TMEM236: variants seen among roughly 807,000 people sequenced by gnomAD.
TMEM236 encodes transmembrane protein 236.
Under a neutral mutation model 14.7 loss-of-function variants are expected in TMEM236, and 11 were observed. The observed-to-expected ratio is 0.75, with a 90% CI of 0.47 to 1.24. The LOEUF (loss-of-function observed/expected upper bound fraction) is 1.24. TMEM236 is among the 50% of genes most tolerant of loss of function. TMEM236 has a pLI of 0.00. For synonymous variants in TMEM236, 182 were observed against 168.6 expected, an observed-to-expected ratio of 1.08 and a Z score of -0.62; for missense variants, 464 against 427.3, an observed-to-expected ratio of 1.09 and a Z score of -0.76.
chr10:17,786,287 G>A (rs1461830337), intron 3 of TMEM236, among the ~76,000 whole-genome samples: 3 of 152,180 alleles, frequency 2.0e-5, no homozygotes, highest in African/African-American at 7.2e-5. Flanking sequence ...ATAGGTCACT[G>A]ATTTTCAATA....
Position 17,796,562 on chromosome 10 carries a change from C to T in TMEM236, c.*58C>T. ...GATACCTGTGTGCACATTTGTAATC[C>T]TTCTTTTTTTCTTGGGGCGTAGGTG... On this transcript the variant is annotated 3_prime_UTR_variant, in exon 4 of 4. Coordinates refer to ENST00000377495, the MANE Select transcript of TMEM236 (RefSeq NM_001098844.3). The T allele has an allele frequency of 6.9e-7, 1 of 1,455,908 alleles. No homozygotes were observed. Among genetic ancestry groups the T allele is most frequent in the Non-Finnish European group, 9.6e-7 (1 of 1,038,990 alleles). The allele number at this position is 1,455,908 out of a possible 1,614,324, so 90.2% of individuals were successfully genotyped here. A position where few individuals can be genotyped will look rare whatever the true frequency, so the allele number is the denominator to read the frequency against.
At chr10:17,758,491 T>C (rs963846159) in intron 1 of TMEM236, among the ~76,000 whole-genome samples, 2 of 152,222 alleles carry the variant, frequency 1.3e-5, no homozygotes, top group African/African-American at 4.8e-5. Context: ...GTGAGTTATT[T>C]GAATTCTTTG....
chr10:17,782,945 G>C lies in TMEM236; in HGVS notation c.472+6775G>C, dbSNP rs1837777561. Among the ~76,000 whole-genome samples, 6 of 152,284 alleles carry C rather than the reference G, an allele frequency of 3.9e-5. No homozygotes were observed. In the South Asian group the frequency reaches 1.2e-3, roughly 32 times the overall value. Reference sequence around the variant, plus strand: ...AAAGGGTTGAGAAGGACAAGGATATGGTTAGAATGCCTGAGGCGATGTGCT... The same window carrying C: ...AAAGGGTTGAGAAGGACAAGGATATCGTTAGAATGCCTGAGGCGATGTGCT... On this transcript the variant is annotated intron_variant, in intron 3 of 3. Transcript: ENST00000377495.
chr10:17,794,980 A>T (rs1345499318), intron 3 of TMEM236, among the ~76,000 whole-genome samples: 1 of 152,166 alleles, frequency 6.6e-6, no homozygotes, highest in Admixed American at 6.5e-5. Flanking sequence ...GTGAGCCGAG[A>T]TCATGCTGCT....
intron 3 of TMEM236, among the ~76,000 whole-genome samples, chr10:17,790,937 C>G (rs1413880017): frequency 1.3e-5 from 2 of 152,220 alleles, no homozygotes; most frequent in African/African-American, 2.4e-5. Flanking sequence ...ACATTCGCCT[C>G]TAAGTTGCTA....
In TMEM236 at chr10:17,752,321, T is replaced by G. The variant is rs1837220965; in HGVS notation, c.26T>G (p.Phe9Cys). 1.2e-6 allele frequency: 2 copies of G among 1,613,756 alleles called. No individual in the cohort carries two copies. Among genetic ancestry groups the G allele is most frequent in the Non-Finnish European group, 1.7e-6 (2 of 1,179,856 alleles). MASGRLIK[F>C]VVFELLEFAA... ...ATGGCTTCTGGAAGGCTCATTAAGT[T>G]CGTGGTTTTTGAGCTCCTAGAGTTT... is the stretch of plus-strand genomic sequence containing the variant. The change falls in exon 1 of 4, where the codon TTC (phenylalanine) becomes TGC (cysteine). Residue 9 changes from phenylalanine to cysteine, a missense_variant. Transcript: ENST00000377495.
rs1004152575 is a variant in TMEM236 at position 17,799,979 on chromosome 10, T to A, written c.*3475T>A. 32 of 152,576 alleles carry A rather than the reference T, an allele frequency of 2.1e-4. No homozygotes were observed. The highest frequency in any genetic ancestry group is 7.2e-4 in the African/African-American group (30 of 41,438). The allele number at this position is 152,576 out of a possible 1,614,324, so 9.5% of individuals were successfully genotyped here. A position where few individuals can be genotyped will look rare whatever the true frequency, so the allele number is the denominator to read the frequency against. Reference sequence around the variant, plus strand: ...CTGCAAGTCTATGGGATTTAATAGATATTACAGCAAATTACACTGCGAAAA... The same window carrying A: ...CTGCAAGTCTATGGGATTTAATAGAAATTACAGCAAATTACACTGCGAAAA... On this transcript the variant is annotated 3_prime_UTR_variant, in exon 4 of 4. Transcript: ENST00000377495.
chr10:17,799,861 A>G lies in TMEM236; in HGVS notation c.*3357A>G, dbSNP rs1166516721. On this transcript the variant is annotated 3_prime_UTR_variant, in exon 4 of 4. Coordinates refer to ENST00000377495, the MANE Select transcript of TMEM236 (RefSeq NM_001098844.3). ...AGTCACAACACTATACAAATAATGA[A>G]GGCATGTACAGAAGATTATGTGTAG... The G allele has an allele frequency of 2.6e-5, 4 of 152,550 alleles. No homozygotes were observed. Among genetic ancestry groups the G allele is most frequent in the African/African-American group, 7.2e-5 (3 of 41,424 alleles). The allele number at this position is 152,550 out of a possible 1,614,324, so 9.4% of individuals were successfully genotyped here.
chr10:17,771,197 T>G, intron 1 of TMEM236, 112 bp from the exon 2 acceptor site: 1 of 983,002 alleles, frequency 1.0e-6, no homozygotes. Context: ...AAGCAGCAGC[T>G]TCTTAGAAAA....
At chr10:17,764,267 G>A (rs1271848389) in intron 1 of TMEM236, among the ~76,000 whole-genome samples, 6 of 152,142 alleles carry the variant, frequency 3.9e-5, no homozygotes, top group Non-Finnish European at 7.3e-5. Flanking sequence ...ATGTGGCTGA[G>A]CTTACTGAGT....
intron 1 of TMEM236, among the ~76,000 whole-genome samples, chr10:17,766,715 C>T (rs1329284034): frequency 1.3e-5 from 2 of 152,312 alleles, no homozygotes; most frequent in Admixed American, 1.3e-4. Flanking sequence ...CAACAAAGTA[C>T]CTGGATGGCT....
At chr10:17,765,247 G>T (rs1239843265) in intron 1 of TMEM236, among the ~76,000 whole-genome samples, 9 of 152,096 alleles carry the variant, frequency 5.9e-5, no homozygotes, top group Non-Finnish European at 1.3e-4. Flanking sequence ...GGTACTGGGG[G>T]CTGGGACTTA....
At chr10:17,754,912 T>C (rs1837261115) in intron 1 of TMEM236, among the ~76,000 whole-genome samples, 1 of 141,682 alleles carries the variant, frequency 7.1e-6, no homozygotes, top group Admixed American at 7.3e-5. Context: ...TAATTTTTCT[T>C]TCATACTGAT....
At chr10:17,779,293 C>G (rs1018531282) in intron 3 of TMEM236, among the ~76,000 whole-genome samples, 10 of 152,032 alleles carry the variant, frequency 6.6e-5, no homozygotes, top group African/African-American at 2.4e-4. Context: ...GACCTTGAAC[C>G]ACCTAGAAGC....
Position 17,798,287 on chromosome 10 carries a change from C to T in TMEM236, c.*1783C>T. ...GCTGTGGTGGCTCACACGTGTAATC[C>T]CAGCACTTTGGGAGGTTGAGGCAGG... is the stretch of plus-strand genomic sequence containing the variant. On this transcript the variant is annotated 3_prime_UTR_variant, in exon 4 of 4. Coordinates refer to ENST00000377495, the MANE Select transcript of TMEM236 (RefSeq NM_001098844.3). 3.4e-6 allele frequency: 1 copy of T among 290,134 alleles called. No individual in the cohort carries two copies. Among genetic ancestry groups the T allele is most frequent in the Non-Finnish European group, 6.7e-6 (1 of 149,370 alleles). 18.0% of individuals were successfully genotyped at this position (290,134 alleles called of 1,614,324 possible). A position where few individuals can be genotyped will look rare whatever the true frequency, so the allele number is the denominator to read the frequency against.
chr10:17,800,863 A>G lies in TMEM236; in HGVS notation c.*4359A>G, dbSNP rs1053538752. The G allele has an allele frequency of 7.9e-5, 12 of 152,340 alleles. No homozygotes were observed. Among genetic ancestry groups the G allele is most frequent in the Admixed American group, 7.8e-4 (12 of 15,296 alleles). 9.4% of individuals were successfully genotyped at this position (152,340 alleles called of 1,614,324 possible). ...CATGTTAATTAAAATTCTATGTTTA[A>G]ACAAATCTCTTGTGATGGCTGTTTC... On this transcript the variant is annotated 3_prime_UTR_variant, in exon 4 of 4. Coordinates refer to ENST00000377495, the MANE Select transcript of TMEM236 (RefSeq NM_001098844.3).
chr10:17,792,243 G>A (rs1308170849), intron 3 of TMEM236, among the ~76,000 whole-genome samples: 2 of 152,102 alleles, frequency 1.3e-5, no homozygotes, highest in African/African-American at 4.8e-5. Context: ...GTGCACCAAT[G>A]TGCCCGGCTA....
intron 2 of TMEM236, among the ~76,000 whole-genome samples, chr10:17,773,584 C>T (rs528242453): frequency 1.5e-3 from 221 of 152,108 alleles, no homozygotes; most frequent in African/African-American, 4.3e-3. Flanking sequence ...GTGATCCACC[C>T]GCCTCGGCCT....
chr10:17,773,799 A>AT (rs1837613624), intron 2 of TMEM236, among the ~76,000 whole-genome samples: 1 of 146,332 alleles, frequency 6.8e-6, no homozygotes, highest in Non-Finnish European at 1.5e-5. Flanking sequence ...TGGAAGACTT[A>AT]TTTTCATATT....
Sources: gnomAD v4.1 joint callset for allele counts (sites outside exome capture counted in the v4.1 genomes callset) on GRCh38, gnomAD v4.1.1 for gene constraint, MANE v1.5 for transcripts, NCBI Gene and HGNC (gene_info 2026-07-23, HGNC 2026-07-21) for gene names.